The following ADGRL3 variants were observed in gnomAD, a reference collection of about 807,000 sequenced individuals.
The protein encoded by ADGRL3 is calcium-independent alpha-latrotoxin receptor 3.
ADGRL3 carries 62 observed loss-of-function variants against 153.5 expected under a neutral mutation model. That is an observed-to-expected ratio of 0.40 (90% CI 0.33 to 0.50). The LOEUF (loss-of-function observed/expected upper bound fraction) is 0.50, where lower values mean the gene tolerates loss of function less well. ADGRL3 is among the 20% of genes least tolerant of loss of function. The pLI, the probability that ADGRL3 is intolerant of heterozygous loss-of-function variation, is 0.47. For synonymous variants in ADGRL3, 710 were observed against 672.5 expected (o/e 1.06, Z -0.86); for missense variants, 1,641 against 1,859.4 (o/e 0.88, Z 2.16).
chr4:61,579,904 T>C (rs1459418111), intron 4 of ADGRL3, among the ~76,000 whole-genome samples: 1 of 152,102 alleles, frequency 6.6e-6, no homozygotes, highest in Non-Finnish European at 1.5e-5. Flanking sequence ...AAGTAGATGA[T>C]GGGTTATTTC....
intron 1 of ADGRL3, among the ~76,000 whole-genome samples, chr4:61,291,963 TC>T (rs1373834692): frequency 6.7e-6 from 1 of 150,082 alleles, no homozygotes; most frequent in Non-Finnish European, 1.5e-5. Context: ...GTTGAAAGTG[TC>T]CATTTTAAAC....
At chr4:61,260,705 A>C (rs1438400941) in intron 1 of ADGRL3, among the ~76,000 whole-genome samples, 1 of 152,024 alleles carries the variant, frequency 6.6e-6, no homozygotes, top group African/African-American at 2.4e-5. Flanking sequence ...TTATGCAATA[A>C]AATCTTAGTG....
At chr4:61,686,120 A>C (rs1274282367) in intron 6 of ADGRL3, among the ~76,000 whole-genome samples, 1 of 152,130 alleles carries the variant, frequency 6.6e-6, no homozygotes, top group Non-Finnish European at 1.5e-5. Context: ...GCTTTATTCA[A>C]AATAGGAAAA....
intron 11 of ADGRL3, 82 bp from the exon 12 acceptor site, chr4:61,909,478 A>G (rs759956642): frequency 1.4e-4 from 128 of 925,726 alleles, no homozygotes; most frequent in Non-Finnish European, 8.6e-5. Flanking sequence ...TTACAATTAC[A>G]TGCAAACATG....
chr4:61,460,212 C>T (rs1010404613), intron 2 of ADGRL3, among the ~76,000 whole-genome samples: 7 of 151,956 alleles, frequency 4.6e-5, no homozygotes, highest in Non-Finnish European at 8.8e-5. Context: ...AGTTTTGGAT[C>T]TTACATTTAA....
chr4:61,602,347 A>C (rs983153816), intron 5 of ADGRL3, among the ~76,000 whole-genome samples: 1 of 152,130 alleles, frequency 6.6e-6, no homozygotes, highest in Non-Finnish European at 1.5e-5. Flanking sequence ...GGAAGCATAG[A>C]TTGCCTTAAA....
At chr4:61,839,140 G>T (rs557037581) in intron 9 of ADGRL3, among the ~76,000 whole-genome samples, 1 of 152,076 alleles carries the variant, frequency 6.6e-6, no homozygotes, top group African/African-American at 2.4e-5. Context: ...TGCTTTCTGT[G>T]GTATACTTTT....
chr4:62,007,092 A>G (rs2099161787), intron 21 of ADGRL3, among the ~76,000 whole-genome samples: 2 of 151,812 alleles, frequency 1.3e-5, no homozygotes, highest in Non-Finnish European at 2.9e-5. Flanking sequence ...TCCAAGCATC[A>G]TTATATCCTT....
intron 15 of ADGRL3, among the ~76,000 whole-genome samples, chr4:61,945,754 T>C (rs2098918894): frequency 6.6e-6 from 1 of 151,732 alleles, no homozygotes; most frequent in South Asian, 2.1e-4. Context: ...CCTGACCCCT[T>C]GCGCTTCCCA....
At chr4:61,511,888 T>C (rs1469575702) in intron 3 of ADGRL3, among the ~76,000 whole-genome samples, 1 of 152,172 alleles carries the variant, frequency 6.6e-6, no homozygotes, top group East Asian at 1.9e-4. Flanking sequence ...GGATCTTTTA[T>C]GACTATTGTT....
chr4:61,938,684 C>T lies in ADGRL3; in HGVS notation c.2419+2639C>T, dbSNP rs138582411. On this transcript the variant is annotated intron_variant, in intron 15 of 26. Coordinates refer to ENST00000683033, the MANE Select transcript of ADGRL3 (RefSeq NM_001387552.1). ...ACTTCCTGCTTCTTTGTGTCACTAG[C>T]TCCTCATCTGGTATCTGAGGCTTCT... Among the ~76,000 whole-genome samples, 144 of 152,108 alleles carry T rather than the reference C, an allele frequency of 9.5e-4. 1 individual carries two copies. The highest frequency in any genetic ancestry group is 3.4e-3 in the African/African-American group (140 of 41,510).
At chr4:61,503,276 CTA>C (rs1406446431) in intron 3 of ADGRL3, among the ~76,000 whole-genome samples, 1 of 151,890 alleles carries the variant, frequency 6.6e-6, no homozygotes, top group Non-Finnish European at 1.5e-5. Context: ...TAGTAATAAT[CTA>C]TGAGTGATGT....
intron 1 of ADGRL3, among the ~76,000 whole-genome samples, chr4:61,316,996 CT>C (rs1405049843): frequency 6.6e-6 from 1 of 152,072 alleles, no homozygotes; most frequent in Non-Finnish European, 1.5e-5. Context: ...TCTTTTAAGC[CT>C]TTTCCTTAAA....
intron 6 of ADGRL3, among the ~76,000 whole-genome samples, chr4:61,688,904 C>T (rs955840708): frequency 5.3e-5 from 8 of 152,188 alleles, no homozygotes; most frequent in African/African-American, 1.4e-4. Context: ...CAGTTGCTTT[C>T]TTTAACCCCA....
At chr4:61,578,019 T>A (rs999888643) in intron 4 of ADGRL3, among the ~76,000 whole-genome samples, 1 of 152,102 alleles carries the variant, frequency 6.6e-6, no homozygotes, top group Non-Finnish European at 1.5e-5. Flanking sequence ...CCAAGCACAA[T>A]AAGTTGAATA....
At chr4:61,529,014 C>T (rs1312338315) in intron 4 of ADGRL3, among the ~76,000 whole-genome samples, 1 of 151,906 alleles carries the variant, frequency 6.6e-6, no homozygotes, top group African/African-American at 2.4e-5. Context: ...CATAATGATG[C>T]CATAATGGAT....
intron 5 of ADGRL3, among the ~76,000 whole-genome samples, chr4:61,616,833 T>C (rs115651565): frequency 0.014 from 2,145 of 152,226 alleles, 59 homozygotes; most frequent in African/African-American, 0.048. Context: ...TTTAACTTTT[T>C]TTTTAGAAGT....
In ADGRL3 at chr4:61,971,020, T is replaced by C. The variant is rs2099025141; in HGVS notation, c.2806-8543T>C. Among the ~76,000 whole-genome samples the C allele has an allele frequency of 1.3e-5, 2 of 152,136 alleles. 1 individual carries two copies. Among genetic ancestry groups the C allele is most frequent in the Admixed American group, 1.3e-4 (2 of 15,262 alleles). ...GATTCAAATCAATGTTTTATGCTCA[T>C]GGATATGTTAGTAGTAAGGTAAACA... is the stretch of plus-strand genomic sequence containing the variant. On this transcript the variant is annotated intron_variant, in intron 17 of 26. Coordinates refer to ENST00000683033, the MANE Select transcript of ADGRL3 (RefSeq NM_001387552.1).
chr4:61,471,106 A>C (rs1463664472), intron 2 of ADGRL3, among the ~76,000 whole-genome samples: 1 of 151,796 alleles, frequency 6.6e-6, no homozygotes, highest in Non-Finnish European at 1.5e-5. Flanking sequence ...GCTTGAATTC[A>C]TTATTCCTTT....
Sources: gnomAD v4.1 joint callset for allele counts (sites outside exome capture counted in the v4.1 genomes callset) on GRCh38, gnomAD v4.1.1 for gene constraint, MANE v1.5 for transcripts, NCBI Gene and HGNC (gene_info 2026-07-23, HGNC 2026-07-21) for gene names.